Variants in DISP1 observed in about 807,000 individuals in gnomAD.
DISP1 encodes the protein dispatched RND transporter family member 1.
Under a neutral mutation model 37.3 loss-of-function variants are expected in DISP1, and 30 were observed. The ratio of observed to expected loss-of-function variants is 0.80; its 90% CI spans 0.60 to 1.09. DISP1 has a LOEUF of 1.09. Ranked by LOEUF, DISP1 falls within the 50% of genes least tolerant of loss-of-function variation. The pLI, the probability that DISP1 is intolerant of heterozygous loss-of-function variation, is 0.00. For synonymous variants in DISP1, 634 were observed against 690.2 expected (o/e 0.92, Z 1.28); for missense variants, 1,598 against 1,879.5 (o/e 0.85, Z 2.77).
chr1:222,914,018 T>TA (rs1558326395), intron 1 of DISP1, among the ~76,000 whole-genome samples: 1 of 150,512 alleles, frequency 6.6e-6, no homozygotes, highest in Non-Finnish European at 1.5e-5. Flanking sequence ...TTTTTTTTTT[T>TA]AACCCAAGCT....
Position 222,852,701 on chromosome 1 carries a change from G to A in DISP1, c.-159+37623G>A, listed in dbSNP as rs200231272. On this transcript the variant is annotated intron_variant, in intron 1 of 8. Coordinates refer to ENST00000675850, the MANE Select transcript of DISP1 (RefSeq NM_001377229.1). ...CTTTAATCTTTGCACTGATAATTCTGACCTCAAAAATAAAATACCAATTTT... is the reference window on the plus strand; with the variant it reads ...CTTTAATCTTTGCACTGATAATTCTAACCTCAAAAATAAAATACCAATTTT... Among the ~76,000 whole-genome samples the A allele has an allele frequency of 4.3e-4, 65 of 152,244 alleles. 1 individual carries two copies. In the East Asian group the frequency reaches 0.012, roughly 28 times the overall value.
chr1:223,005,377 A>G lies in DISP1; in HGVS notation c.3980A>G (p.His1327Arg), dbSNP rs1392739069. 1 of 1,613,428 alleles carries G rather than the reference A, an allele frequency of 6.2e-7. No individual in the cohort carries two copies. The highest frequency in any genetic ancestry group is 1.3e-5 in the African/African-American group (1 of 75,016). ...CACCAAGCTGTCGAGGGCTTTGTGC[A>G]CCCCATCACGCACATCCACCACTGT... ...ATHQAVEGFV[H>R]PITHIHHCPC... Residue 1327 changes from histidine (H) to arginine (R), a missense_variant, in exon 9 of 9, where the codon CAC becomes CGC. Coordinates refer to ENST00000675850, the MANE Select transcript of DISP1 (RefSeq NM_001377229.1).
At chr1:222,846,231 C>A (rs547714554) in intron 1 of DISP1, among the ~76,000 whole-genome samples, 1 of 152,284 alleles carries the variant, frequency 6.6e-6, no homozygotes, top group Admixed American at 6.5e-5. Flanking sequence ...GTGGATCATG[C>A]CTGTAATCCC....
chr1:222,847,495 TATAG>T (rs1478313708), intron 1 of DISP1, among the ~76,000 whole-genome samples: 2 of 152,338 alleles, frequency 1.3e-5, no homozygotes, highest in East Asian at 3.9e-4. Context: ...CACACAGGAA[TATAG>T]ATAGTACACA....
rs111796312 is a variant in DISP1, at chr1:223,004,550, C to T, written c.3153C>T (p.Asp1051=). Residue 1051 remains aspartate, a synonymous_variant, in exon 9 of 9, where the codon GAC becomes GAT. Transcript: ENST00000675850. The surrounding 1 kb of genome is among the most constrained non-coding windows in gnomAD (Gnocchi z 4.9). ...CGGTTGCCGTCGGCTTGTCTGTAGA[C>T]TTTGCCGTCCATTATGGGGTTGCCT... The part of the protein sequence containing the change: ...TISVAVGLSV[D]FAVHYGVAYR... 2.1e-3 allele frequency: 3,314 copies of T among 1,614,214 alleles called. 9 individuals carry two copies. The highest frequency in any genetic ancestry group is 2.6e-3 in the Non-Finnish European group (3,119 of 1,180,046).
chr1:222,933,516 G>A (rs1673528181), intron 2 of DISP1, among the ~76,000 whole-genome samples: 1 of 151,970 alleles, frequency 6.6e-6, no homozygotes. Context: ...CTCCTAGTTG[G>A]CAGAGAGCTA....
At chr1:222,932,515 A>T (rs1419390054) in intron 2 of DISP1, among the ~76,000 whole-genome samples, 1 of 151,978 alleles carries the variant, frequency 6.6e-6, no homozygotes, top group Non-Finnish European at 1.5e-5. Context: ...ATTTTTTTAA[A>T]GTGACCATTG....
At chr1:222,821,614 G>A (rs930394008) in intron 1 of DISP1, among the ~76,000 whole-genome samples, 3 of 152,098 alleles carry the variant, frequency 2.0e-5, no homozygotes, top group Non-Finnish European at 4.4e-5. Flanking sequence ...AGTGGCTCAT[G>A]CCTGTAATTG....
At chr1:223,000,634 A>C (rs1679368806) in intron 8 of DISP1, among the ~76,000 whole-genome samples, 1 of 152,192 alleles carries the variant, frequency 6.6e-6, no homozygotes, top group Non-Finnish European at 1.5e-5. Flanking sequence ...GGACTGTCGA[A>C]ATAGGACACC....
At chr1:222,855,797 T>C (rs1202760872) in intron 1 of DISP1, among the ~76,000 whole-genome samples, 1 of 152,074 alleles carries the variant, frequency 6.6e-6, no homozygotes, top group Non-Finnish European at 1.5e-5. Context: ...TTAAGAGTAC[T>C]ATAATTTATA....
At chr1:222,946,873 A>T (rs1484629659) in intron 3 of DISP1, among the ~76,000 whole-genome samples, 2 of 152,062 alleles carry the variant, frequency 1.3e-5, no homozygotes, top group African/African-American at 4.8e-5. Context: ...TGGAAGAGAG[A>T]GTGGTAGCAA....
At chr1:222,842,571 A>G (rs1199811054) in intron 1 of DISP1, among the ~76,000 whole-genome samples, 5 of 152,098 alleles carry the variant, frequency 3.3e-5, no homozygotes, top group Non-Finnish European at 7.4e-5. Context: ...AGTATTTTCC[A>G]AAGTATGTTC....
chr1:222,958,538 G>A (rs989659096), intron 3 of DISP1, among the ~76,000 whole-genome samples: 10 of 152,118 alleles, frequency 6.6e-5, no homozygotes, highest in African/African-American at 2.4e-4. Context: ...CATTATTGAA[G>A]GTAGAAATAG....
At chr1:222,971,350 C>T (rs758572481) in intron 3 of DISP1, among the ~76,000 whole-genome samples, 38 of 151,708 alleles carry the variant, frequency 2.5e-4, no homozygotes, top group Non-Finnish European at 4.0e-4. Flanking sequence ...TTGGTTACAC[C>T]GTTGGAGTTC....
rs973379264 is a variant in DISP1 at position 222,995,359 on chromosome 1, A to G, written c.987+377A>G. 9.9e-5 allele frequency among the ~76,000 whole-genome samples: 15 copies of G among 152,262 alleles called. 1 individual carries two copies. The highest frequency in any genetic ancestry group is 9.8e-4 in the Admixed American group (15 of 15,294). On this transcript the variant is annotated intron_variant, in intron 8 of 8. Coordinates refer to ENST00000675850, the MANE Select transcript of DISP1 (RefSeq NM_001377229.1). ...TATTTCCTGCCCTGAGGCAGTTGTC[A>G]GCATCTTAATTGTGCAATGAAATGC... is the stretch of plus-strand genomic sequence containing the variant.
At chr1:222,907,095 C>A (rs933450210) in intron 1 of DISP1, among the ~76,000 whole-genome samples, 2 of 152,012 alleles carry the variant, frequency 1.3e-5, no homozygotes, top group African/African-American at 2.4e-5. Flanking sequence ...TAGTGGCCAT[C>A]GATTTGCAGA....
At position 223,004,420 on chromosome 1, in the gene DISP1, T is replaced by G. The variant is rs1679727837; in HGVS notation, c.3023T>G (p.Ile1008Arg). ...CTGCTGACAACTTGGAACATCATCA[T>G]AAGCCTTTATGCCATCATTTCAATT... ...VMLLTTWNIIISLYAIISIAG... is the reference protein window; with the variant it reads ...VMLLTTWNIIRSLYAIISIAG... Residue 1008 changes from isoleucine to arginine, a missense_variant, in exon 9 of 9, where the codon ATA (isoleucine) becomes AGA (arginine). Coordinates refer to ENST00000675850, the MANE Select transcript of DISP1 (RefSeq NM_001377229.1). This position sits in a 1 kb window ranked among gnomAD's most constrained non-coding sequence, Gnocchi z 4.9. 1.2e-6 allele frequency: 2 copies of G among 1,614,098 alleles called. No individual in the cohort carries two copies. Among genetic ancestry groups the G allele is most frequent in the Admixed American group, 1.7e-5 (1 of 60,014 alleles).
chr1:222,982,306 A>G (rs1280772042), intron 3 of DISP1, among the ~76,000 whole-genome samples: 1 of 152,246 alleles, frequency 6.6e-6, no homozygotes, highest in Non-Finnish European at 1.5e-5. Flanking sequence ...ACCCCATGAA[A>G]GGGTCTCAGG....
intron 1 of DISP1, among the ~76,000 whole-genome samples, chr1:222,833,049 T>G (rs898262085): frequency 3.3e-5 from 5 of 152,182 alleles, no homozygotes; most frequent in African/African-American, 9.6e-5. Flanking sequence ...AGGAGGGAAT[T>G]GAGGCAATGG....
Sources: gnomAD v4.1 joint callset for allele counts (sites outside exome capture counted in the v4.1 genomes callset) on GRCh38, gnomAD v4.1.1 for gene constraint, Gnocchi (gnomAD v3.1) non-coding constraint, MANE v1.5 for transcripts, NCBI Gene and HGNC (gene_info 2026-07-23, HGNC 2026-07-21) for gene names.